SUGCT: variants seen among roughly 807,000 people sequenced by gnomAD.
SUGCT encodes succinyl-CoA:glutarate CoA-transferase.
SUGCT carries 41 observed loss-of-function variants against 55.0 expected under a neutral mutation model. The ratio of observed to expected loss-of-function variants is 0.74; its 90% CI spans 0.58 to 0.97. The LOEUF (loss-of-function observed/expected upper bound fraction) is 0.97, where lower values mean the gene tolerates loss of function less well. Ranked by LOEUF, SUGCT falls within the 50% of genes least tolerant of loss-of-function variation. The pLI, the probability that SUGCT is intolerant of heterozygous loss-of-function variation, is 0.00. For synonymous variants in SUGCT, 187 were observed against 200.4 expected (o/e 0.93, Z 0.56); for missense variants, 568 against 547.8 (o/e 1.04, Z -0.37).
rs1489311306 is a variant in SUGCT, at chr7:40,189,524, A to C, written c.313-20A>C. Reference sequence around the variant, plus strand: ...TTGGTCATCGAAATAATATATATATATATATTTTTTAATTTTTAGAGTATT... The same window carrying C: ...TTGGTCATCGAAATAATATATATATCTATATTTTTTAATTTTTAGAGTATT... On this transcript the variant is annotated intron_variant, in intron 4 of 13. Coordinates refer to ENST00000335693, the MANE Select transcript of SUGCT (RefSeq NM_001193313.2). 1.1e-6 allele frequency: 1 copy of C among 914,210 alleles called. No individual in the cohort carries two copies. Among genetic ancestry groups the C allele is most frequent in the African/African-American group, 1.8e-5 (1 of 55,786 alleles). The allele number at this position is 914,210 out of a possible 1,614,324, so 56.6% of individuals were successfully genotyped here.
the SUGCT span, among the ~76,000 whole-genome samples, chr7:41,003,055 G>A: frequency 6.6e-6 from 1 of 152,204 alleles, no homozygotes; most frequent in African/African-American, 2.4e-5. Context: ...CTACCACATA[G>A]AGTTTTTATA....
chr7:40,631,988 G>T (rs1024028154), intron 12 of SUGCT, among the ~76,000 whole-genome samples: 3 of 152,242 alleles, frequency 2.0e-5, no homozygotes, highest in Admixed American at 1.3e-4. Context: ...CTTAATCCCT[G>T]CAGATGCTCC....
intron 12 of SUGCT, among the ~76,000 whole-genome samples, chr7:40,647,320 A>G (rs1483769691): frequency 6.6e-6 from 1 of 152,204 alleles, no homozygotes; most frequent in Non-Finnish European, 1.5e-5. Context: ...TTTGTCATTG[A>G]AGTCATCATA....
intron 12 of SUGCT, among the ~76,000 whole-genome samples, chr7:40,521,358 C>T (rs996733955): frequency 6.6e-6 from 1 of 152,134 alleles, no homozygotes; most frequent in Admixed American, 6.6e-5. Flanking sequence ...CTGGCTCTGC[C>T]TTCACCTTTC....
chr7:40,289,978 A>G (rs1250336056), intron 8 of SUGCT, among the ~76,000 whole-genome samples: 2 of 152,208 alleles, frequency 1.3e-5, no homozygotes, highest in South Asian at 2.1e-4. Flanking sequence ...AAGGAGAACT[A>G]CAAACCACTG....
the SUGCT span, among the ~76,000 whole-genome samples, chr7:40,898,767 C>T: frequency 1.2e-4 from 18 of 152,172 alleles, no homozygotes; most frequent in Admixed American, 5.9e-4. Flanking sequence ...GACCGAAAGC[C>T]TACCAATTCT....
chr7:40,457,522 T>C (rs1789555776), intron 10 of SUGCT, among the ~76,000 whole-genome samples: 1 of 152,202 alleles, frequency 6.6e-6, no homozygotes, highest in South Asian at 2.1e-4. Flanking sequence ...TGTCAAGCAT[T>C]TTCATGTACA....
At chr7:40,963,150 C>T in the SUGCT span, among the ~76,000 whole-genome samples, 1 of 151,986 alleles carries the variant, frequency 6.6e-6, no homozygotes, top group African/African-American at 2.4e-5. Context: ...GAATTATTCC[C>T]ACATGTATGT....
At chr7:40,327,148 C>T (rs1022404603) in intron 9 of SUGCT, among the ~76,000 whole-genome samples, 1 of 152,202 alleles carries the variant, frequency 6.6e-6, no homozygotes, top group Non-Finnish European at 1.5e-5. Context: ...TATGAACCCC[C>T]AGCCCCTTTA....
At chr7:40,623,735 T>TACACACACAC (rs775323095) in intron 12 of SUGCT, among the ~76,000 whole-genome samples, 1 of 151,734 alleles carries the variant, frequency 6.6e-6, no homozygotes, top group Non-Finnish European at 1.5e-5. Flanking sequence ...TACACACACA[T>TACACACACAC]ACACACACAC....
chr7:40,734,368 G>C (rs1482738369), intron 12 of SUGCT, among the ~76,000 whole-genome samples: 2 of 152,136 alleles, frequency 1.3e-5, no homozygotes, highest in African/African-American at 4.8e-5. Context: ...AAGATCATAG[G>C]CTCTGCTGTC....
In SUGCT at chr7:40,579,634, G is replaced by A. The variant is rs575584136; in HGVS notation, c.1089+83248G>A. ...CAGACATAAATGGTGTGGGGGTGTC[G>A]TAGCACGTGGGTGTCTAGATTCCAG... On this transcript the variant is annotated intron_variant, in intron 12 of 13. Transcript: ENST00000335693. Among the ~76,000 whole-genome samples the A allele has an allele frequency of 3.0e-4, 46 of 152,302 alleles. 1 individual carries two copies. The highest frequency in any genetic ancestry group is 1.1e-3 in the African/African-American group (44 of 41,562).
rs567707536 is a variant in SUGCT, at chr7:40,204,733, C to T, written c.484+9673C>T. Among the ~76,000 whole-genome samples, 4 of 150,066 alleles carry T rather than the reference C, an allele frequency of 2.7e-5. No individual in the cohort carries two copies. The East Asian group carries it at 5.9e-4, about 22-fold the overall frequency. On this transcript the variant is annotated intron_variant, in intron 6 of 13. Coordinates refer to ENST00000335693, the MANE Select transcript of SUGCT (RefSeq NM_001193313.2). ...TGAGGGTCAGTAGTTTGAGACCAGCCGGCGTGACATAGTGAGACCTCGTCT... is the reference window on the plus strand; with the variant it reads ...TGAGGGTCAGTAGTTTGAGACCAGCTGGCGTGACATAGTGAGACCTCGTCT...
intron 6 of SUGCT, among the ~76,000 whole-genome samples, chr7:40,204,553 C>T (rs925327134): frequency 7.0e-4 from 107 of 152,128 alleles, no homozygotes; most frequent in South Asian, 2.1e-4. Context: ...CTGCCCGCCT[C>T]GGCCTCCCAA....
chr7:40,555,835 A>T (rs151279809), intron 12 of SUGCT, among the ~76,000 whole-genome samples: 210 of 152,040 alleles, frequency 1.4e-3, no homozygotes, highest in African/African-American at 4.4e-3. Context: ...GGCTTTCCCC[A>T]AGTCTTTCCA....
intron 12 of SUGCT, among the ~76,000 whole-genome samples, chr7:40,687,664 A>G (rs984096207): frequency 2.6e-5 from 4 of 152,286 alleles, no homozygotes; most frequent in African/African-American, 9.6e-5. Context: ...CCATACCGTT[A>G]TAGCCCCTTC....
intron 9 of SUGCT, among the ~76,000 whole-genome samples, chr7:40,409,092 C>A (rs2151337437): frequency 6.6e-6 from 1 of 150,926 alleles, no homozygotes; most frequent in East Asian, 2.0e-4. Flanking sequence ...GTAGCTGGAA[C>A]TGTAGGCGCA....
At chr7:40,205,047 A>T (rs1262972423) in intron 6 of SUGCT, among the ~76,000 whole-genome samples, 1 of 152,098 alleles carries the variant, frequency 6.6e-6, no homozygotes, top group Admixed American at 6.5e-5. Flanking sequence ...TGAGGTCAGG[A>T]GTTCGAGACC....
chr7:40,762,998 G>T (rs1208245860), intron 13 of SUGCT, among the ~76,000 whole-genome samples: 3 of 151,580 alleles, frequency 2.0e-5, no homozygotes, highest in Non-Finnish European at 4.4e-5. Flanking sequence ...TTTTTTTTTA[G>T]TAGAGATGGG....
Sources: gnomAD v4.1 joint callset for allele counts (sites outside exome capture counted in the v4.1 genomes callset) on GRCh38, gnomAD v4.1.1 for gene constraint, MANE v1.5 for transcripts, NCBI Gene and HGNC (gene_info 2026-07-23, HGNC 2026-07-21) for gene names.